RPS6KA2: variants seen among roughly 807,000 people sequenced by gnomAD.
RPS6KA2 encodes the protein ribosomal protein S6 kinase alpha-2.
Under a neutral mutation model 91.8 loss-of-function variants are expected in RPS6KA2, and 42 were observed. That is an observed-to-expected ratio of 0.46 (90% confidence interval 0.36 to 0.59). The LOEUF is 0.59. Ranked by LOEUF, RPS6KA2 falls within the 20% of genes least tolerant of loss-of-function variation. RPS6KA2 has a pLI of 0.00. For missense variants in RPS6KA2, 798 were observed against 978.5 expected, an observed-to-expected ratio of 0.82 and a Z score of 2.46; for synonymous variants, 414 against 393.6, an observed-to-expected ratio of 1.05 and a Z score of -0.61.
rs1476668404 is a variant in RPS6KA2, at chr6:166,451,087, A to T, written c.1206+16T>A. On this transcript the variant is annotated intron_variant, in intron 13 of 20. Transcript: ENST00000265678. ...TGCCCTCTTACCCCCAACCCACTGC[A>T]GGCAAACACAGTTACCTGCACGATT... 1.2e-6 allele frequency: 2 copies of T among 1,613,750 alleles called. No individual in the cohort carries two copies. The highest frequency in any genetic ancestry group is 3.3e-5 in the Admixed American group (2 of 60,004).
At chr6:166,716,440 G>A (rs977850619) in intron 2 of RPS6KA2, among the ~76,000 whole-genome samples, 17 of 152,116 alleles carry the variant, frequency 1.1e-4, no homozygotes, top group Admixed American at 7.9e-4. Flanking sequence ...CATCCCAGCG[G>A]GCATCAATTC....
intron 14 of RPS6KA2, among the ~76,000 whole-genome samples, chr6:166,443,009 G>C (rs1779568015): frequency 6.6e-6 from 1 of 151,960 alleles, no homozygotes; most frequent in Non-Finnish European, 1.5e-5. Context: ...TTGACTTAAA[G>C]CTTTACCAGT....
chr6:166,713,140 T>C (rs919767408), intron 2 of RPS6KA2, among the ~76,000 whole-genome samples: 1 of 152,148 alleles, frequency 6.6e-6, no homozygotes, highest in Non-Finnish European at 1.5e-5. Flanking sequence ...ACCTGTGCCT[T>C]CCCACTGCAG....
chr6:166,792,679 A>G (rs1325709159), intron 2 of RPS6KA2, among the ~76,000 whole-genome samples: 20 of 152,192 alleles, frequency 1.3e-4, no homozygotes, highest in African/African-American at 2.2e-4. Flanking sequence ...CTTCATCCCT[A>G]GGATGCAAGG....
At chr6:166,688,810 C>G (rs1457249844) in intron 2 of RPS6KA2, among the ~76,000 whole-genome samples, 1 of 152,238 alleles carries the variant, frequency 6.6e-6, no homozygotes, top group Non-Finnish European at 1.5e-5. Flanking sequence ...CACATGAACC[C>G]ATGTGGGGCC....
At chr6:166,711,886 C>A (rs1476067754) in intron 2 of RPS6KA2, among the ~76,000 whole-genome samples, 3 of 151,024 alleles carry the variant, frequency 2.0e-5, no homozygotes, top group South Asian at 2.1e-4. Flanking sequence ...AAAACAAGAC[C>A]AATAAAATTG....
At chr6:166,529,147 C>A (rs1358657019) in intron 3 of RPS6KA2, among the ~76,000 whole-genome samples, 4 of 152,146 alleles carry the variant, frequency 2.6e-5, no homozygotes, top group Non-Finnish European at 5.9e-5. Context: ...CACTATTCAC[C>A]ATAGCAAAGA....
At chr6:166,481,180 C>A (rs1212882854) in intron 10 of RPS6KA2, among the ~76,000 whole-genome samples, 1 of 152,186 alleles carries the variant, frequency 6.6e-6, no homozygotes, top group Admixed American at 6.5e-5. Context: ...AAAGATAGTT[C>A]ATTTTTCAAG....
At chr6:166,550,012 A>C (rs1229457746) in intron 1 of RPS6KA2, among the ~76,000 whole-genome samples, 1 of 152,212 alleles carries the variant, frequency 6.6e-6, no homozygotes, top group African/African-American at 2.4e-5. Context: ...ATATTGAAAG[A>C]GCTTTGTTAT....
intron 2 of RPS6KA2, among the ~76,000 whole-genome samples, chr6:166,716,438 C>T (rs1331498477): frequency 6.6e-6 from 1 of 152,184 alleles, no homozygotes; most frequent in Non-Finnish European, 1.5e-5. Context: ...ATCATCCCAG[C>T]GGGCATCAAT....
chr6:166,457,711 T>A (rs911870191), intron 12 of RPS6KA2, among the ~76,000 whole-genome samples: 2 of 152,122 alleles, frequency 1.3e-5, no homozygotes, highest in Non-Finnish European at 2.9e-5. Flanking sequence ...AAAGTCCCGC[T>A]AAAAGCCCCG....
intron 1 of RPS6KA2, among the ~76,000 whole-genome samples, chr6:166,562,813 C>T (rs1784381770): frequency 6.6e-6 from 1 of 152,170 alleles, no homozygotes; most frequent in Admixed American, 6.5e-5. Context: ...ACAGCATGGC[C>T]ACGATGGGGG....
In RPS6KA2 at chr6:166,434,975, T is replaced by G. The variant is rs1026539648; in HGVS notation, c.1333-2485A>C. On this transcript the variant is annotated intron_variant, in intron 14 of 20. Coordinates refer to ENST00000265678, the MANE Select transcript of RPS6KA2 (RefSeq NM_021135.6). This position sits in a 1 kb window ranked among gnomAD's most constrained non-coding sequence, Gnocchi z 4.4. ...CCTGTGAGGAGGGGAACAGGGTGCCTGGGGGCCCATGGGTGGGAGGGAAAC... is the reference window on the plus strand; with the variant it reads ...CCTGTGAGGAGGGGAACAGGGTGCCGGGGGGCCCATGGGTGGGAGGGAAAC... Among the ~76,000 whole-genome samples, 16 of 152,152 alleles carry G rather than the reference T, an allele frequency of 1.1e-4. No homozygotes were observed. The highest frequency in any genetic ancestry group is 1.8e-4 in the Non-Finnish European group (12 of 68,022).
At chr6:166,582,496 G>A (rs898952174) in intron 1 of RPS6KA2, among the ~76,000 whole-genome samples, 2 of 152,084 alleles carry the variant, frequency 1.3e-5, no homozygotes, top group East Asian at 3.9e-4. Flanking sequence ...GCCATTTTAC[G>A]ATCACAAATT....
At position 166,726,651 on chromosome 6, in the gene RPS6KA2, C is replaced by G. The variant is rs1439317081; in HGVS notation, c.123+131549G>C. Among the ~76,000 whole-genome samples, 1 of 152,216 alleles carries G rather than the reference C, an allele frequency of 6.6e-6. No individual in the cohort carries two copies. The highest frequency in any genetic ancestry group is 1.5e-5 in the Non-Finnish European group (1 of 68,036). On this transcript the variant is annotated intron_variant, in intron 2 of 21. Transcript: ENST00000503859. The surrounding 1 kb of genome is among the most constrained non-coding windows in gnomAD (Gnocchi z 4.4). ...ATCACATAAACATGATCACCTTAAACAGAGAACTGGATCTCGTGTACTGAT... is the reference window on the plus strand; with the variant it reads ...ATCACATAAACATGATCACCTTAAAGAGAGAACTGGATCTCGTGTACTGAT...
chr6:166,536,335 G>C (rs1783477226), intron 2 of RPS6KA2, among the ~76,000 whole-genome samples: 1 of 152,180 alleles, frequency 6.6e-6, no homozygotes, highest in Non-Finnish European at 1.5e-5. Flanking sequence ...GTCCCTGGTA[G>C]GTGCAAAAGG....
At chr6:166,744,383 C>T (rs1023728622) in intron 2 of RPS6KA2, among the ~76,000 whole-genome samples, 11 of 152,228 alleles carry the variant, frequency 7.2e-5, no homozygotes, top group Admixed American at 1.3e-4. Flanking sequence ...GACGCGGCCC[C>T]GGGCCCGGGG....
Position 166,498,575 on chromosome 6 carries a change from G to A in RPS6KA2, c.680C>T (p.Ala227Val), listed in dbSNP as rs1781882218. 3 of 1,613,622 alleles carry A rather than the reference G, an allele frequency of 1.9e-6. No homozygotes were observed. The highest frequency in any genetic ancestry group is 2.7e-5 in the African/African-American group (2 of 74,888). Residue 227 changes from alanine (A) to valine (V), a missense_variant, in exon 8 of 21, where the codon GCG (alanine) becomes GTG (valine). Physicochemically the swap from Ala to Val is moderately conservative, Grantham distance 64 (BLOSUM62 0). Transcript: ENST00000265678. ...TCCTCGCCGGTTCACCACCTCGGGC[G>A]CCATGTACTCGATCGTCCCGCAGAA... is the stretch of plus-strand genomic sequence containing the variant. ...YSFCGTIEYM[A>V]PEVVNRRGHT...
chr6:166,521,718 G>T (rs1471819287), intron 3 of RPS6KA2, among the ~76,000 whole-genome samples: 1 of 152,228 alleles, frequency 6.6e-6, no homozygotes, highest in Non-Finnish European at 1.5e-5. Flanking sequence ...TGGATGAGAT[G>T]TTGGGCTTTA....
Sources: allele counts gnomAD v4.1 joint callset (sites outside exome capture counted in the v4.1 genomes callset), GRCh38; gene constraint gnomAD v4.1.1; non-coding constraint Gnocchi (gnomAD v3.1); transcripts MANE v1.5; gene names NCBI Gene and HGNC (gene_info 2026-07-23, HGNC 2026-07-21).